Variants in POM121C observed in about 807,000 individuals in gnomAD.
The protein encoded by POM121C is nuclear envelope pore membrane protein POM 121C.
Under a neutral mutation model 66.4 loss-of-function variants are expected in POM121C, and 20 were observed. That is an observed-to-expected ratio of 0.30 (90% CI 0.21 to 0.44). POM121C has a LOEUF of 0.44. Among genes scored for constraint, POM121C ranks in the 20% least tolerant of loss-of-function variants. POM121C has a pLI of 1.00. For missense variants in POM121C, 580 were observed against 1,225.7 expected (o/e 0.47, Z 7.87); for synonymous variants, 286 against 528.0 (o/e 0.54, Z 6.28).
chr7:75,421,453 A>G lies in POM121C; in HGVS notation c.2743+56T>C, dbSNP rs2533489. On this transcript the variant is annotated intron_variant, in intron 13 of 14. Coordinates refer to ENST00000615331, the MANE Select transcript of POM121C (RefSeq NM_001099415.3). ...TAAGCTCCCCGAGACCACAGGCTTC[A>G]CAGGCACAGCTTTTCAGTGTCCGGC... The G allele has an allele frequency of 2.5e-3, 4,015 of 1,605,620 alleles. 65 individuals are homozygous for G. The highest frequency in any genetic ancestry group is 0.021 in the South Asian group (1,906 of 89,302).
intron 7 of POM121C, among the ~76,000 whole-genome samples, chr7:75,435,329 A>G (rs782589298): frequency 3.3e-4 from 50 of 152,344 alleles, no homozygotes; most frequent in Middle Eastern, 3.4e-3. Context: ...AGAAGGTGGC[A>G]GTTTTCAGAT....
chr7:75,428,749 G>A (rs587762312), intron 7 of POM121C, among the ~76,000 whole-genome samples: 2 of 152,230 alleles, frequency 1.3e-5, no homozygotes, highest in Non-Finnish European at 2.9e-5. Flanking sequence ...GGAGGCTGAG[G>A]CAGGAGGATC....
intron 1 of POM121C, among the ~76,000 whole-genome samples, chr7:75,481,895 CT>C (rs1792323531): frequency 6.6e-6 from 1 of 152,178 alleles, no homozygotes; most frequent in Admixed American, 6.5e-5. Context: ...TTTGCCTCCC[CT>C]AATGAAGGCA....
chr7:75,424,638 A>T lies in POM121C; in HGVS notation c.769-10T>A, dbSNP rs150575747. 1.9e-6 allele frequency: 3 copies of T among 1,613,690 alleles called. No homozygotes were observed. Among genetic ancestry groups the T allele is most frequent in the Non-Finnish European group, 2.5e-6 (3 of 1,179,678 alleles). ...GCTGGGGAGGTGGAGGCTACCAAAG[A>T]GAAAAAGAAGAAGTCAGGCCAATCA... On this transcript the variant is annotated splice_polypyrimidine_tract_variant and intron_variant, in intron 10 of 14. Transcript: ENST00000615331.
chr7:75,473,963 C>G (rs1398543116), intron 3 of POM121C, among the ~76,000 whole-genome samples: 1 of 152,116 alleles, frequency 6.6e-6, no homozygotes, highest in African/African-American at 2.4e-5. Context: ...GCTGGGATTA[C>G]AGGCGTTAGC....
At chr7:75,462,164 G>C (rs1360168696) in intron 3 of POM121C, among the ~76,000 whole-genome samples, 4 of 146,710 alleles carry the variant, frequency 2.7e-5, no homozygotes, top group Admixed American at 6.8e-5. Context: ...CTGGATCACG[G>C]GCGCGGTTTG....
rs1257509688 is a variant in POM121C, at chr7:75,425,808, A to G, written c.573-100T>C. ...CTAACTACCAAGTGGCCAACATCTA[A>G]AACAACCATCATTTAAGATCTCAGT... On this transcript the variant is annotated intron_variant, in intron 8 of 14. Transcript: ENST00000615331. The G allele has an allele frequency of 2.9e-6, 3 of 1,031,240 alleles. No homozygotes were observed. The African/African-American group carries it at 4.8e-5, about 17-fold the overall frequency. 63.9% of individuals were successfully genotyped at this position (1,031,240 alleles called of 1,614,324 possible). A position where few individuals can be genotyped will look rare whatever the true frequency, so the allele number is the denominator to read the frequency against.
At chr7:75,442,526 G>T in intron 3 of POM121C, 2 of 1,444,088 alleles carry the variant, frequency 1.4e-6, no homozygotes, top group Non-Finnish European at 1.8e-6. Context: ...TCCCCACCAG[G>T]CCGCGGTAGT....
chr7:75,453,219 C>A (rs1791084295), intron 3 of POM121C, among the ~76,000 whole-genome samples: 1 of 150,528 alleles, frequency 6.6e-6, no homozygotes, highest in Non-Finnish European at 1.5e-5. Context: ...TCGCTTGAGG[C>A]CAGAAGTTCA....
At chr7:75,431,066 C>A (rs1790154442) in intron 7 of POM121C, among the ~76,000 whole-genome samples, 1 of 89,184 alleles carries the variant, frequency 1.1e-5, no homozygotes, top group African/African-American at 4.8e-5. Flanking sequence ...CAGAGCGAGA[C>A]TCTGTCTCAA....
chr7:75,441,203 A>G (rs1324620202), intron 4 of POM121C, 88 bp from the exon 5 acceptor site: 1 of 1,570,336 alleles, frequency 6.4e-7, no homozygotes, highest in East Asian at 2.2e-5. Context: ...CCAACAGGCC[A>G]AAGTATAATT....
intron 3 of POM121C, among the ~76,000 whole-genome samples, chr7:75,458,722 TCATAA>T (rs1554476637): frequency 6.6e-6 from 1 of 152,044 alleles, no homozygotes; most frequent in African/African-American, 2.4e-5. Flanking sequence ...AACTACAGTC[TCATAA>T]CATAACACTC....
At chr7:75,427,502 A>G (rs1352719392) in intron 7 of POM121C, among the ~76,000 whole-genome samples, 33 of 149,872 alleles carry the variant, frequency 2.2e-4, no homozygotes, top group African/African-American at 8.2e-4. Context: ...CTTTTGCAAC[A>G]ACGATGGCAT....
At chr7:75,437,276 T>C (rs17466578) in intron 7 of POM121C, among the ~76,000 whole-genome samples, 11,127 of 152,324 alleles carry the variant, frequency 0.073, 510 homozygotes, top group Non-Finnish European at 0.1. Context: ...TAGAAGGTGA[T>C]TAGTAAACTT....
chr7:75,424,159 G>C lies in POM121C; in HGVS notation c.938C>G (p.Pro313Arg), dbSNP rs1584648116. 2 of 1,611,928 alleles carry C rather than the reference G, an allele frequency of 1.2e-6. No individual in the cohort carries two copies. Among genetic ancestry groups the C allele is most frequent in the African/African-American group, 2.7e-5 (2 of 74,850 alleles). ...TTQPSFTFTL[P>R]AAATASPPTS... ...GGGTGGGGAGGCAGTTGCAGCAGCA[G>C]GCAGGGTAAAGGTAAATGAAGGCTG... is the stretch of plus-strand genomic sequence containing the variant. Residue 313 changes from proline (P) to arginine (R), a missense_variant, in exon 12 of 15, where the codon CCT (proline) becomes CGT (arginine). Coordinates refer to ENST00000615331, the MANE Select transcript of POM121C (RefSeq NM_001099415.3).
Position 75,440,777 on chromosome 7 carries a change from C to T in POM121C, c.227+177G>A, listed in dbSNP as rs1554473817. The T allele has an allele frequency of 7.8e-5, 84 of 1,081,544 alleles. 1 individual carries two copies. The South Asian group carries it at 1.1e-3, about 14-fold the overall frequency. 67.0% of individuals were successfully genotyped at this position (1,081,544 alleles called of 1,614,324 possible). On this transcript the variant is annotated intron_variant, in intron 5 of 14. Coordinates refer to ENST00000615331, the MANE Select transcript of POM121C (RefSeq NM_001099415.3). ...ATTATGACATCGATCTAACCTGTGC[C>T]TTGAAATGAACAGCATTAAAACCCT... is the stretch of plus-strand genomic sequence containing the variant.
chr7:75,441,237 T>C, intron 4 of POM121C, 122 bp from the exon 5 acceptor site: 1 of 1,475,476 alleles, frequency 6.8e-7, no homozygotes, highest in Admixed American at 2.2e-5. Context: ...CAGTTCCCCT[T>C]AGCAAGTAAA....
chr7:75,445,147 T>G (rs1790790166), intron 3 of POM121C, among the ~76,000 whole-genome samples: 1 of 150,058 alleles, frequency 6.7e-6, no homozygotes, highest in Admixed American at 6.7e-5. Context: ...AAAAGGACAA[T>G]TGATATAAAA....
intron 3 of POM121C, among the ~76,000 whole-genome samples, chr7:75,464,076 T>A (rs1791538630): frequency 7.0e-6 from 1 of 143,184 alleles, no homozygotes. Context: ...ACTCCAATTT[T>A]CAAAAAAAAA....
Sources: gnomAD v4.1 joint callset for allele counts (sites outside exome capture counted in the v4.1 genomes callset) on GRCh38, gnomAD v4.1.1 for gene constraint, MANE v1.5 for transcripts, NCBI Gene and HGNC (gene_info 2026-07-23, HGNC 2026-07-21) for gene names.